The following HS3ST4 variants were observed in gnomAD, a reference collection of about 807,000 sequenced individuals.
HS3ST4 encodes the protein heparan sulfate-glucosamine 3-sulfotransferase 4.
Under a neutral mutation model 29.2 loss-of-function variants are expected in HS3ST4, and 17 were observed. That is an observed-to-expected ratio of 0.58 (90% confidence interval 0.40 to 0.87). HS3ST4 has a LOEUF of 0.87. HS3ST4 is among the 40% of genes least tolerant of loss of function. The probability of loss-of-function intolerance (pLI) is 0.00; values close to 1 mark genes in which losing one functional copy is unlikely to be tolerated. For synonymous variants in HS3ST4, 314 were observed against 285.7 expected, an observed-to-expected ratio of 1.10 and a Z score of -1.00; for missense variants, 627 against 634.5, an observed-to-expected ratio of 0.99 and a Z score of 0.13.
rs999711610 is a variant in HS3ST4, at chr16:26,093,613, C to T, written c.735-41999C>T. 2.6e-5 allele frequency among the ~76,000 whole-genome samples: 4 copies of T among 152,244 alleles called. No homozygotes were observed. The East Asian group carries it at 7.7e-4, about 29-fold the overall frequency. On this transcript the variant is annotated intron_variant, in intron 1 of 1. Transcript: ENST00000331351. ...CACCAAAACCCCATCTGTAGGTCAC[C>T]ATCGTCAAAGACCAAAGGTAGATAA... is the stretch of plus-strand genomic sequence containing the variant.
chr16:26,044,084 C>A (rs1363430856), intron 1 of HS3ST4, among the ~76,000 whole-genome samples: 1 of 152,204 alleles, frequency 6.6e-6, no homozygotes, highest in Non-Finnish European at 1.5e-5. Context: ...TTGGTGGAAT[C>A]CCAACCCAGG....
rs555932929 is a variant in HS3ST4 at position 26,100,508 on chromosome 16, G to A, written c.735-35104G>A. ...GCAGGTATCCTCTCAGTTCCCTGAA[G>A]CTTCTAATGATGACTGACTTAGTTG... On this transcript the variant is annotated intron_variant, in intron 1 of 1. Coordinates refer to ENST00000331351, the MANE Select transcript of HS3ST4 (RefSeq NM_006040.3). Among the ~76,000 whole-genome samples the A allele has an allele frequency of 6.6e-5, 10 of 152,258 alleles. No individual in the cohort carries two copies. In the East Asian group the frequency reaches 1.5e-3, roughly 24 times the overall value.
intron 1 of HS3ST4, among the ~76,000 whole-genome samples, chr16:25,862,163 ATATT>A (rs60894635): frequency 0.01 from 1,473 of 144,732 alleles, 17 homozygotes; most frequent in African/African-American, 0.024. Flanking sequence ...ATTTATTTAC[ATATT>A]TATTTATTTA....
intron 1 of HS3ST4, among the ~76,000 whole-genome samples, chr16:25,836,274 C>T (rs1411658218): frequency 6.6e-6 from 1 of 152,130 alleles, no homozygotes; most frequent in African/African-American, 2.4e-5. Context: ...GATGACTGCA[C>T]CACATGAAGA....
At chr16:25,970,036 G>A (rs1489336404) in intron 1 of HS3ST4, among the ~76,000 whole-genome samples, 1 of 152,184 alleles carries the variant, frequency 6.6e-6, no homozygotes, top group African/African-American at 2.4e-5. Flanking sequence ...GAATGCATGG[G>A]GAAATAAATG....
intron 1 of HS3ST4, among the ~76,000 whole-genome samples, chr16:25,811,147 A>T (rs1273281746): frequency 6.6e-6 from 1 of 152,218 alleles, no homozygotes; most frequent in Non-Finnish European, 1.5e-5. Flanking sequence ...CCTTAACAGC[A>T]TGGGCTTGAA....
intron 1 of HS3ST4, among the ~76,000 whole-genome samples, chr16:26,076,433 T>C (rs556139115): frequency 6.6e-6 from 1 of 152,308 alleles, no homozygotes; most frequent in African/African-American, 2.4e-5. Context: ...TGTCTTAGGC[T>C]CATTATTACT....
intron 1 of HS3ST4, among the ~76,000 whole-genome samples, chr16:25,877,407 A>C (rs1300357896): frequency 2.0e-5 from 3 of 152,210 alleles, no homozygotes; most frequent in Non-Finnish European, 2.9e-5. Context: ...AGAAAGAGGA[A>C]TCATGTCACC....
At chr16:26,035,896 C>T (rs960561016) in intron 1 of HS3ST4, among the ~76,000 whole-genome samples, 2 of 152,190 alleles carry the variant, frequency 1.3e-5, no homozygotes, top group Non-Finnish European at 2.9e-5. Flanking sequence ...CTCCCCATGA[C>T]TAATTATGTG....
Position 25,748,643 on chromosome 16 carries a change from A to C in HS3ST4, c.734+55492A>C, listed in dbSNP as rs562694678. Reference sequence around the variant, plus strand: ...TGATAATGCAATTTTCTATGCAAAAAGGGTTTATCTCCATCCAAATATTAT... The same window carrying C: ...TGATAATGCAATTTTCTATGCAAAACGGGTTTATCTCCATCCAAATATTAT... On this transcript the variant is annotated intron_variant, in intron 1 of 1. Coordinates refer to ENST00000331351, the MANE Select transcript of HS3ST4 (RefSeq NM_006040.3). 3.5e-4 allele frequency among the ~76,000 whole-genome samples: 54 copies of C among 152,314 alleles called. No homozygotes were observed. In the East Asian group the frequency reaches 6.2e-3, roughly 17 times the overall value.
At chr16:25,800,999 G>A (rs960402025) in intron 1 of HS3ST4, among the ~76,000 whole-genome samples, 1 of 152,020 alleles carries the variant, frequency 6.6e-6, no homozygotes, top group Non-Finnish European at 1.5e-5. Flanking sequence ...TGTTACAGCC[G>A]CGTGAACAGA....
chr16:25,867,919 T>C lies in HS3ST4; in HGVS notation c.734+174768T>C, dbSNP rs144042393. Among the ~76,000 whole-genome samples the C allele has an allele frequency of 3.6e-3, 551 of 152,240 alleles. 5 individuals are homozygous for C. The highest frequency in any genetic ancestry group is 0.012 in the African/African-American group (517 of 41,546). ...ATACACAGGTAGATAAAGAGATCGA[T>C]AGATACTAGGTAGGAAGATAGACAG... is the stretch of plus-strand genomic sequence containing the variant. On this transcript the variant is annotated intron_variant, in intron 1 of 1. Transcript: ENST00000331351.
chr16:25,850,753 A>G (rs67100199), intron 1 of HS3ST4, among the ~76,000 whole-genome samples: 38,278 of 152,128 alleles, frequency 0.25, 5,997 homozygotes, highest in Admixed American at 0.33. Context: ...AGAGTGCTTC[A>G]TACAAAGGCA....
chr16:25,991,830 G>C (rs1969116501), intron 1 of HS3ST4, among the ~76,000 whole-genome samples: 1 of 152,174 alleles, frequency 6.6e-6, no homozygotes, highest in Non-Finnish European at 1.5e-5. Context: ...GACCATCCTG[G>C]CTAACACGGT....
At chr16:25,984,226 T>G (rs1172618621) in intron 1 of HS3ST4, among the ~76,000 whole-genome samples, 1 of 152,196 alleles carries the variant, frequency 6.6e-6, no homozygotes, top group Non-Finnish European at 1.5e-5. Context: ...CCAACCTTTT[T>G]GGAACCTGGG....
At chr16:25,740,395 T>G (rs975565663) in intron 1 of HS3ST4, among the ~76,000 whole-genome samples, 1 of 152,210 alleles carries the variant, frequency 6.6e-6, no homozygotes, top group African/African-American at 2.4e-5. Flanking sequence ...TCTGCCTGTT[T>G]CGTTAGTATA....
At chr16:26,004,819 G>A (rs892756478) in intron 1 of HS3ST4, among the ~76,000 whole-genome samples, 1 of 152,152 alleles carries the variant, frequency 6.6e-6, no homozygotes. Flanking sequence ...CCCATTTGAA[G>A]TGGTTTTTAT....
At chr16:25,845,353 A>G (rs1967454625) in intron 1 of HS3ST4, among the ~76,000 whole-genome samples, 1 of 152,142 alleles carries the variant, frequency 6.6e-6, no homozygotes, top group African/African-American at 2.4e-5. Context: ...TACTAAAAAT[A>G]CAAAAATTAT....
At chr16:26,053,604 T>G (rs1189694212) in intron 1 of HS3ST4, among the ~76,000 whole-genome samples, 2 of 152,166 alleles carry the variant, frequency 1.3e-5, no homozygotes, top group African/African-American at 2.4e-5. Flanking sequence ...GATTTTTGGT[T>G]TGGGACTTTC....
Sources: allele counts gnomAD v4.1 joint callset (sites outside exome capture counted in the v4.1 genomes callset), GRCh38; gene constraint gnomAD v4.1.1; transcripts MANE v1.5; gene names NCBI Gene and HGNC (gene_info 2026-07-23, HGNC 2026-07-21).